CDH18: variants seen among roughly 807,000 people sequenced by gnomAD.
CDH18 encodes cadherin-18.
CDH18 carries 31 observed loss-of-function variants against 67.9 expected under a neutral mutation model. That is an observed-to-expected ratio of 0.46 (90% CI 0.34 to 0.62). CDH18 has a LOEUF of 0.62. Ranked by LOEUF, CDH18 falls within the 20% of genes least tolerant of loss-of-function variation. CDH18 has a pLI of 0.01. For synonymous variants in CDH18, 362 were observed against 347.2 expected (o/e 1.04, Z -0.48); for missense variants, 890 against 975.5 (o/e 0.91, Z 1.17).
chr5:20,039,677 A>G (rs1261881193), intron 2 of CDH18, among the ~76,000 whole-genome samples: 1 of 152,164 alleles, frequency 6.6e-6, no homozygotes, highest in Non-Finnish European at 1.5e-5. Flanking sequence ...CCTTCCTTAC[A>G]CCTTATACAA....
At position 20,215,052 on chromosome 5, in the gene CDH18, G is replaced by T. The variant is rs185024172; in HGVS notation, c.-518+40392C>A. On this transcript the variant is annotated intron_variant, in intron 2 of 14. Coordinates refer to the CDH18 transcript ENST00000507958. ...GGACATGAACGGACACTTTTCAAAA[G>T]AAGACATGCATGTGGCCAACAAACA... Among the ~76,000 whole-genome samples, 996 of 152,044 alleles carry T rather than the reference G, an allele frequency of 6.6e-3. 8 individuals are homozygous for T. The highest frequency in any genetic ancestry group is 0.02 in the Middle Eastern group (6 of 294).
At chr5:19,727,291 A>G (rs746997074) in intron 4 of CDH18, among the ~76,000 whole-genome samples, 2 of 152,232 alleles carry the variant, frequency 1.3e-5, no homozygotes, top group African/African-American at 2.4e-5. Flanking sequence ...AGAGAAGATC[A>G]TGCCAGAGTA....
At chr5:19,958,780 AG>A (rs1228347489) in intron 2 of CDH18, among the ~76,000 whole-genome samples, 2 of 152,004 alleles carry the variant, frequency 1.3e-5, no homozygotes, top group African/African-American at 4.8e-5. Flanking sequence ...ACGAGACATG[AG>A]AACATGTGTG....
intron 1 of CDH18, among the ~76,000 whole-genome samples, chr5:20,327,448 T>C (rs969076388): frequency 6.6e-6 from 1 of 152,138 alleles, no homozygotes; most frequent in East Asian, 1.9e-4. Flanking sequence ...ATCTGCCTCA[T>C]TGCCTACTAT....
chr5:20,016,476 AAAAG>A (rs1737892002), intron 2 of CDH18, among the ~76,000 whole-genome samples: 1 of 152,176 alleles, frequency 6.6e-6, no homozygotes, highest in Non-Finnish European at 1.5e-5. Flanking sequence ...GTTTTTCAGA[AAAAG>A]AAAATAAAAT....
chr5:20,342,623 A>G (rs1182328964), intron 1 of CDH18, among the ~76,000 whole-genome samples: 1 of 152,158 alleles, frequency 6.6e-6, no homozygotes, highest in Non-Finnish European at 1.5e-5. Context: ...GAGAATAGGC[A>G]TGGGAATGGA....
chr5:20,253,323 C>T (rs1179924288), intron 2 of CDH18, among the ~76,000 whole-genome samples: 1 of 152,140 alleles, frequency 6.6e-6, no homozygotes, highest in Non-Finnish European at 1.5e-5. Context: ...GAAGAATCAG[C>T]AGAATAATTC....
At chr5:20,155,441 G>A (rs1011554127) in intron 2 of CDH18, among the ~76,000 whole-genome samples, 5 of 151,718 alleles carry the variant, frequency 3.3e-5, no homozygotes, top group Non-Finnish European at 5.9e-5. Flanking sequence ...TTTTCCTTGC[G>A]GAGCTTTTTA....
rs149114742 is a variant in CDH18, at chr5:20,120,875, C to T, written c.-517-128861G>A. Reference sequence around the variant, plus strand: ...AAGTTTCAAATGATTAGCATCTGATCTGCTATATTGATTATTCTCCTGAAT... The same window carrying T: ...AAGTTTCAAATGATTAGCATCTGATTTGCTATATTGATTATTCTCCTGAAT... On this transcript the variant is annotated intron_variant, in intron 2 of 14. Transcript: ENST00000507958. 1.1e-4 allele frequency among the ~76,000 whole-genome samples: 16 copies of T among 152,250 alleles called. No homozygotes were observed. In the East Asian group the frequency reaches 2.7e-3, roughly 26 times the overall value.
intron 3 of CDH18, among the ~76,000 whole-genome samples, chr5:19,817,908 C>T (rs1406313205): frequency 6.6e-6 from 1 of 152,116 alleles, no homozygotes; most frequent in Non-Finnish European, 1.5e-5. Flanking sequence ...ATAGATAATA[C>T]ATAAATAAAT....
intron 1 of CDH18, among the ~76,000 whole-genome samples, chr5:20,434,800 G>A (rs1441680447): frequency 6.6e-6 from 1 of 151,952 alleles, no homozygotes; most frequent in South Asian, 2.1e-4. Context: ...GGGTGTCAGT[G>A]TTTCAGAGAC....
rs1240534595 is a variant in CDH18, at chr5:20,324,970, A to T, written c.-579-69465T>A. Reference sequence around the variant, plus strand: ...ACCTCCTATTTATATTTGTATGAGAATCATGATTTTCCATTTAAAACCTAT... The same window carrying T: ...ACCTCCTATTTATATTTGTATGAGATTCATGATTTTCCATTTAAAACCTAT... On this transcript the variant is annotated intron_variant, in intron 1 of 14. Transcript: ENST00000507958. Among the ~76,000 whole-genome samples, 4 of 152,288 alleles carry T rather than the reference A, an allele frequency of 2.6e-5. No individual in the cohort carries two copies. The East Asian group carries it at 7.8e-4, about 30-fold the overall frequency.
At position 19,473,332 on chromosome 5, in the gene CDH18, G is replaced by T. The variant is rs1460214108; in HGVS notation, c.2267C>A (p.Ala756Glu). Reference sequence around the variant, plus strand: ...ATAATCCTGGTCTGATTGTGTCGTTGCTGAATCCAGCGAGCTGATAGACCC... The same window carrying T: ...ATAATCCTGGTCTGATTGTGTCGTTTCTGAATCCAGCGAGCTGATAGACCC... ...EAGSISSLDS[A>E]TTQSDQDYHY... Residue 756 changes from alanine (A) to glutamate (E), a missense_variant, in exon 13 of 13, where the codon GCA becomes GAA. By Grantham distance (107) the Ala-to-Glu change is moderately radical. Coordinates refer to ENST00000382275, the MANE Select transcript of CDH18 (RefSeq NM_004934.5). The T allele has an allele frequency of 6.2e-7, 1 of 1,613,866 alleles. No homozygotes were observed. Among genetic ancestry groups the T allele is most frequent in the Non-Finnish European group, 8.5e-7 (1 of 1,179,884 alleles).
chr5:19,493,655 C>A (rs553231957), intron 11 of CDH18, among the ~76,000 whole-genome samples: 1 of 151,926 alleles, frequency 6.6e-6, no homozygotes, highest in African/African-American at 2.4e-5. Context: ...ATAGACATTT[C>A]ATAAGAAATC....
intron 1 of CDH18, among the ~76,000 whole-genome samples, chr5:20,357,636 T>C (rs1003669071): frequency 6.6e-6 from 1 of 152,130 alleles, no homozygotes; most frequent in Non-Finnish European, 1.5e-5. Context: ...AGAATGGCTT[T>C]TGATAAAAGG....
intron 8 of CDH18, among the ~76,000 whole-genome samples, chr5:19,569,697 G>T (rs1041415664): frequency 7.2e-5 from 11 of 152,098 alleles, no homozygotes; most frequent in African/African-American, 2.7e-4. Context: ...CAAACACTAG[G>T]TTCTATTTCT....
chr5:19,746,228 C>G (rs1247208770), intron 4 of CDH18, among the ~76,000 whole-genome samples: 1 of 152,146 alleles, frequency 6.6e-6, no homozygotes, highest in Admixed American at 6.5e-5. Context: ...AGCCCCAGAT[C>G]ATTAGGGTGG....
At chr5:19,676,435 A>G (rs1002768777) in intron 5 of CDH18, among the ~76,000 whole-genome samples, 2 of 152,024 alleles carry the variant, frequency 1.3e-5, no homozygotes, top group African/African-American at 4.8e-5. Flanking sequence ...CCCCAAATCT[A>G]GGAATGTCAG....
intron 2 of CDH18, among the ~76,000 whole-genome samples, chr5:20,014,284 T>A: frequency 6.6e-6 from 1 of 152,152 alleles, no homozygotes; most frequent in East Asian, 1.9e-4. Flanking sequence ...AACAGTCTGC[T>A]GGGCAAGAAA....
Sources: allele counts gnomAD v4.1 joint callset (sites outside exome capture counted in the v4.1 genomes callset), GRCh38; gene constraint gnomAD v4.1.1; transcripts MANE v1.5; gene names NCBI Gene and HGNC (gene_info 2026-07-23, HGNC 2026-07-21).